Variants in TSPAN3 observed in about 807,000 individuals in gnomAD.
The protein encoded by TSPAN3 is tetraspanin-3.
TSPAN3 carries 9 observed loss-of-function variants against 31.1 expected under a neutral mutation model. The observed-to-expected ratio is 0.29, with a 90% confidence interval of 0.17 to 0.50. The LOEUF (loss-of-function observed/expected upper bound fraction) is 0.50, where lower values mean the gene tolerates loss of function less well. TSPAN3 is among the 20% of genes least tolerant of loss of function. The probability of loss-of-function intolerance (pLI) is 0.98; values close to 1 mark genes in which losing one functional copy is unlikely to be tolerated. For missense variants in TSPAN3, 252 were observed against 313.5 expected (o/e 0.80, Z 1.48); for synonymous variants, 129 against 114.3 (o/e 1.13, Z -0.82).
chr15:77,070,936 TG>T lies in TSPAN3; in HGVS notation c.18del (p.Thr7ProfsTer49). MGQCG[I>X]TSSKTVLVFL... Reference sequence around the variant, plus strand: ...AAGACCAGCACGGTCTTGGAGGAGGTGATGCCGCACTGGCCCATGGCGCCGG... The same window carrying T: ...AAGACCAGCACGGTCTTGGAGGAGGTATGCCGCACTGGCCCATGGCGCCGG... On this transcript the variant is annotated frameshift_variant, in exon 1 of 7. Coordinates refer to ENST00000267970, the MANE Select transcript of TSPAN3 (RefSeq NM_005724.6). LOFTEE classifies it high-confidence loss of function. 1 of 1,443,236 alleles carries T rather than the reference TG, an allele frequency of 6.9e-7. No homozygotes were observed. The allele number at this position is 1,443,236 out of a possible 1,614,324, so 89.4% of individuals were successfully genotyped here. A position where few individuals can be genotyped will look rare whatever the true frequency, so the allele number is the denominator to read the frequency against.
intron 1 of TSPAN3, among the ~76,000 whole-genome samples, chr15:77,066,965 G>C (rs2076837456): frequency 6.6e-6 from 1 of 152,050 alleles, no homozygotes; most frequent in East Asian, 1.9e-4. Flanking sequence ...CATCACACGT[G>C]GTGAGGGGGC....
At chr15:77,062,716 G>A (rs1039654949) in intron 1 of TSPAN3, among the ~76,000 whole-genome samples, 6 of 152,150 alleles carry the variant, frequency 3.9e-5, no homozygotes, top group Non-Finnish European at 7.3e-5. Context: ...CCTTTAGAAA[G>A]TTAGTCAGAA....
rs2076694222 is a variant in TSPAN3 at position 77,046,734 on chromosome 15, G to A, written c.*101C>T. On this transcript the variant is annotated 3_prime_UTR_variant, in exon 7 of 7. Coordinates refer to ENST00000267970, the MANE Select transcript of TSPAN3 (RefSeq NM_005724.6). ...TGCTCTGTCCAACACCAGTGTACAT[G>A]TGCTTTAACTAAATGAACTCCAGAG... The A allele has an allele frequency of 1.2e-6, 1 of 843,806 alleles. No homozygotes were observed. The highest frequency in any genetic ancestry group is 2.2e-5 in the Admixed American group (1 of 45,024). The allele number at this position is 843,806 out of a possible 1,614,324, so 52.3% of individuals were successfully genotyped here.
At chr15:77,054,031 G>C (rs1403509206) in intron 4 of TSPAN3, 147 bp downstream of exon 4, 1 of 567,736 alleles carries the variant, frequency 1.8e-6, no homozygotes, top group Non-Finnish European at 3.1e-6. Context: ...ACTTTTCAAG[G>C]GTGAAGGTTG....
At position 77,071,070 on chromosome 15, in the gene TSPAN3, G is replaced by A. The variant is rs2076866971; in HGVS notation, c.-116C>T. 19 of 660,766 alleles carry A rather than the reference G, an allele frequency of 2.9e-5. No individual in the cohort carries two copies. Among genetic ancestry groups the A allele is most frequent in the Non-Finnish European group, 4.0e-5 (19 of 474,536 alleles). The allele number at this position is 660,766 out of a possible 1,614,324, so 40.9% of individuals were successfully genotyped here. ...CTGCACGGCCTGCGCGGCGCTCCCC[G>A]CAGCCCCTGCGCCGTCGCGCAGCCC... On this transcript the variant is annotated 5_prime_UTR_variant, in exon 1 of 7. Transcript: ENST00000267970.
intron 1 of TSPAN3, chr15:77,063,611 A>G (rs990542518): frequency 3.3e-5 from 5 of 152,134 alleles, no homozygotes; most frequent in East Asian, 1.9e-4. Context: ...TTTTACTGCT[A>G]TTACTCTGAT....
Position 77,045,151 on chromosome 15 carries a change from T to G in TSPAN3, c.*1684A>C, listed in dbSNP as rs1418005264. The G allele has an allele frequency of 6.6e-6, 1 of 152,246 alleles. No homozygotes were observed. The highest frequency in any genetic ancestry group is 1.9e-4 in the East Asian group (1 of 5,198). 9.4% of individuals were successfully genotyped at this position (152,246 alleles called of 1,614,324 possible). On this transcript the variant is annotated 3_prime_UTR_variant, in exon 7 of 7. Coordinates refer to ENST00000267970, the MANE Select transcript of TSPAN3 (RefSeq NM_005724.6). ...CCAGATGTGTTCTCTAACTACTCCC[T>G]AGCTCTGTGACTTTGTTTCCCCAGT...
intron 1 of TSPAN3, chr15:77,064,343 G>A (rs1199984631): frequency 6.6e-6 from 1 of 152,072 alleles, no homozygotes; most frequent in African/African-American, 2.4e-5. Context: ...AAAAGGTCAA[G>A]GGTAGATATT....
intron 1 of TSPAN3, among the ~76,000 whole-genome samples, chr15:77,066,577 A>G (rs1568546455): frequency 4.9e-5 from 7 of 141,718 alleles, no homozygotes; most frequent in Admixed American, 4.8e-4. Context: ...GTCTCAAAAA[A>G]AAAAAAAAAA....
At chr15:77,059,893 C>T (rs895593425) in intron 1 of TSPAN3, among the ~76,000 whole-genome samples, 1 of 152,162 alleles carries the variant, frequency 6.6e-6, no homozygotes, top group Admixed American at 6.5e-5. Context: ...CTTAGTGCTG[C>T]TTGGAGGTGG....
chr15:77,046,105 G>C lies in TSPAN3; in HGVS notation c.*730C>G, dbSNP rs11550564. ...ATCACATCTACATACTATTTTGCTA[G>C]TCTACATGGGTACATTATTTCCAAC... On this transcript the variant is annotated 3_prime_UTR_variant, in exon 7 of 7. Coordinates refer to ENST00000267970, the MANE Select transcript of TSPAN3 (RefSeq NM_005724.6). 1 of 277,950 alleles carries C rather than the reference G, an allele frequency of 3.6e-6. No individual in the cohort carries two copies. The highest frequency in any genetic ancestry group is 6.7e-6 in the Non-Finnish European group (1 of 149,844). The allele number at this position is 277,950 out of a possible 1,614,324, so 17.2% of individuals were successfully genotyped here.
At chr15:77,050,133 C>CAA (rs2076721060) in intron 6 of TSPAN3, among the ~76,000 whole-genome samples, 1 of 152,200 alleles carries the variant, frequency 6.6e-6, no homozygotes, top group African/African-American at 2.4e-5. Flanking sequence ...ACTGATCTTT[C>CAA]AGTTATTTCT....
chr15:77,067,693 T>C (rs774729409), intron 1 of TSPAN3: 1 of 152,210 alleles, frequency 6.6e-6, no homozygotes, highest in Non-Finnish European at 1.5e-5. Flanking sequence ...GAAGAATGCA[T>C]TACAAATTCC....
chr15:77,065,947 T>C (rs1179266336), intron 1 of TSPAN3, among the ~76,000 whole-genome samples: 2 of 152,244 alleles, frequency 1.3e-5, no homozygotes, highest in African/African-American at 4.8e-5. Context: ...ACAACCTAAA[T>C]AGATATTTAA....
chr15:77,066,298 G>A (rs986248455), intron 1 of TSPAN3, among the ~76,000 whole-genome samples: 4 of 152,190 alleles, frequency 2.6e-5, no homozygotes, highest in South Asian at 4.2e-4. Flanking sequence ...TTTGCTGGGC[G>A]CGGTGGCTCA....
At chr15:77,060,122 C>T (rs906937256) in intron 1 of TSPAN3, among the ~76,000 whole-genome samples, 1 of 152,148 alleles carries the variant, frequency 6.6e-6, no homozygotes, top group Non-Finnish European at 1.5e-5. Flanking sequence ...CAGTCAACAT[C>T]CAAGTCACAC....
Position 77,052,381 on chromosome 15 carries a change from T to G in TSPAN3, c.669+4A>C. On this transcript the variant is annotated splice_donor_region_variant and intron_variant, in intron 6 of 6. Transcript: ENST00000267970. Reference sequence around the variant, plus strand: ...GATAGAACTCCTTGGCAAGCTGTGCTTACCTGAATAGCTGCAAATGCCAGT... The same window carrying G: ...GATAGAACTCCTTGGCAAGCTGTGCGTACCTGAATAGCTGCAAATGCCAGT... The G allele has an allele frequency of 1.2e-6, 2 of 1,614,122 alleles. No homozygotes were observed. The highest frequency in any genetic ancestry group is 1.7e-6 in the Non-Finnish European group (2 of 1,179,934).
At chr15:77,049,001 A>C (rs1465084485) in intron 6 of TSPAN3, among the ~76,000 whole-genome samples, 1 of 152,228 alleles carries the variant, frequency 6.6e-6, no homozygotes, top group Non-Finnish European at 1.5e-5. Flanking sequence ...CTGTAATTTC[A>C]TAGTTACAAA....
rs2076765462 is a variant in TSPAN3 at position 77,055,874 on chromosome 15, A to C, written c.256-11T>G. 1.3e-6 allele frequency: 2 copies of C among 1,597,552 alleles called. No homozygotes were observed. Among genetic ancestry groups the C allele is most frequent in the South Asian group, 2.3e-5 (2 of 87,006 alleles). ...CAGGATGATGACAAACTGTAAGAAA[A>C]CATGGTTTAAAATTATATACAAATG... On this transcript the variant is annotated splice_polypyrimidine_tract_variant and intron_variant, in intron 2 of 6. Transcript: ENST00000267970.
Sources: allele counts gnomAD v4.1 joint callset (sites outside exome capture counted in the v4.1 genomes callset), GRCh38; gene constraint gnomAD v4.1.1; transcripts MANE v1.5; gene names NCBI Gene and HGNC (gene_info 2026-07-23, HGNC 2026-07-21).